GRIA1: variants seen among roughly 807,000 people sequenced by gnomAD.
The protein encoded by GRIA1 is glutamate receptor 1.
Under a neutral mutation model 99.2 loss-of-function variants are expected in GRIA1, and 31 were observed. The observed-to-expected ratio is 0.31, with a 90% CI of 0.23 to 0.42. The LOEUF (loss-of-function observed/expected upper bound fraction) is 0.42. Among genes scored for constraint, GRIA1 ranks in the 10% least tolerant of loss-of-function variants. The pLI is 1.00. For synonymous variants in GRIA1, 438 were observed against 432.4 expected, an observed-to-expected ratio of 1.01 and a Z score of -0.16; for missense variants, 782 against 1,157.5, an observed-to-expected ratio of 0.68 and a Z score of 4.71.
At chr5:153,648,839 C>G (rs1025234885) in intron 3 of GRIA1, among the ~76,000 whole-genome samples, 2 of 70,098 alleles carry the variant, frequency 2.9e-5, no homozygotes, top group Non-Finnish European at 6.9e-5. Flanking sequence ...AATAATGACA[C>G]CCCCCCCCAA....
intron 2 of GRIA1, among the ~76,000 whole-genome samples, chr5:153,502,473 G>T (rs1755094709): frequency 6.6e-6 from 1 of 152,034 alleles, no homozygotes; most frequent in African/African-American, 2.4e-5. Flanking sequence ...GTGAAAATCA[G>T]GTGTAAGTCC....
At chr5:153,633,897 A>C (rs1753154162) in intron 2 of GRIA1, among the ~76,000 whole-genome samples, 2 of 152,244 alleles carry the variant, frequency 1.3e-5, no homozygotes, top group South Asian at 4.1e-4. Flanking sequence ...AATAGTGATA[A>C]GTAAATAAAC....
rs1766524692 is a variant in GRIA1 at position 153,807,613 on chromosome 5, G to C, written c.2521-3412G>C. On this transcript the variant is annotated intron_variant, in intron 15 of 15. Coordinates refer to ENST00000285900, the MANE Select transcript of GRIA1 (RefSeq NM_000827.4). ...AAGGAGACTGGGACACAGACTGAGG[G>C]AAAAGGGTGATATGTGAGAGTGGGA... Among the ~76,000 whole-genome samples, 3 of 152,342 alleles carry C rather than the reference G, an allele frequency of 2.0e-5. No homozygotes were observed. In the South Asian group the frequency reaches 6.2e-4, roughly 32 times the overall value.
At chr5:153,574,390 A>T (rs1384784811) in intron 2 of GRIA1, 1 of 152,158 alleles carries the variant, frequency 6.6e-6, no homozygotes, top group Non-Finnish European at 1.5e-5. Context: ...CTGGAGATAT[A>T]GGTAAGGGTT....
intron 2 of GRIA1, among the ~76,000 whole-genome samples, chr5:153,538,862 A>G (rs1758821807): frequency 6.6e-6 from 1 of 152,190 alleles, no homozygotes; most frequent in Non-Finnish European, 1.5e-5. Flanking sequence ...CTGGATGGTT[A>G]TGATCCTCAA....
intron 2 of GRIA1, among the ~76,000 whole-genome samples, chr5:153,546,282 T>C (rs180913707): frequency 1.3e-5 from 2 of 152,286 alleles, no homozygotes; most frequent in East Asian, 1.9e-4. Flanking sequence ...AGGGAAGAGA[T>C]GGAGCAAAGT....
intron 2 of GRIA1, among the ~76,000 whole-genome samples, chr5:153,557,067 T>G (rs1459315814): frequency 6.6e-6 from 1 of 152,142 alleles, no homozygotes; most frequent in Non-Finnish European, 1.5e-5. Flanking sequence ...AGTTAAAATA[T>G]AATATAAAAG....
At chr5:153,592,887 AAG>A (rs1764091058) in intron 2 of GRIA1, among the ~76,000 whole-genome samples, 1 of 152,198 alleles carries the variant, frequency 6.6e-6, no homozygotes, top group Admixed American at 6.5e-5. Flanking sequence ...CTTTGCATGA[AAG>A]AGAGAGGAGA....
intron 2 of GRIA1, among the ~76,000 whole-genome samples, chr5:153,496,903 G>C (rs1754489120): frequency 6.6e-6 from 1 of 151,376 alleles, no homozygotes. Flanking sequence ...CATAATTTTT[G>C]CTGTCATTTG....
chr5:153,679,985 T>C (rs968827411), intron 7 of GRIA1, among the ~76,000 whole-genome samples: 2 of 152,200 alleles, frequency 1.3e-5, no homozygotes, highest in African/African-American at 4.8e-5. Context: ...CACCTTGAGG[T>C]AGGTAGTTTT....
intron 11 of GRIA1, among the ~76,000 whole-genome samples, chr5:153,730,141 A>T (rs750112334): frequency 1.3e-5 from 2 of 152,132 alleles, no homozygotes; most frequent in Non-Finnish European, 2.9e-5. Flanking sequence ...TAAATTACCT[A>T]GGGATCTTGT....
chr5:153,600,035 C>A (rs1019076940), intron 2 of GRIA1, among the ~76,000 whole-genome samples: 5 of 152,092 alleles, frequency 3.3e-5, no homozygotes, highest in African/African-American at 1.2e-4. Context: ...CACCTTGTTG[C>A]CAAATAGCGC....
At chr5:153,510,020 G>A (rs1488553449) in intron 2 of GRIA1, among the ~76,000 whole-genome samples, 1 of 152,084 alleles carries the variant, frequency 6.6e-6, no homozygotes, top group Non-Finnish European at 1.5e-5. Flanking sequence ...GAAAATGACA[G>A]CAACAACAAA....
chr5:153,560,676 C>A (rs1375691357), intron 2 of GRIA1, among the ~76,000 whole-genome samples: 1 of 152,184 alleles, frequency 6.6e-6, no homozygotes, highest in Non-Finnish European at 1.5e-5. Flanking sequence ...GTCTATTTAA[C>A]CTCTTTTTCT....
intron 2 of GRIA1, among the ~76,000 whole-genome samples, chr5:153,548,252 A>G (rs747422943): frequency 2.0e-5 from 3 of 152,138 alleles, no homozygotes; most frequent in Non-Finnish European, 4.4e-5. Flanking sequence ...CACCTTGCCA[A>G]CCAGTTCATA....
intron 11 of GRIA1, among the ~76,000 whole-genome samples, chr5:153,714,696 A>T (rs1759545431): frequency 6.6e-6 from 1 of 152,252 alleles, no homozygotes. Context: ...TGAATTGACG[A>T]GGAAAGTATG....
intron 3 of GRIA1, among the ~76,000 whole-genome samples, chr5:153,649,235 T>A (rs1361744956): frequency 1.3e-5 from 2 of 152,164 alleles, no homozygotes; most frequent in Non-Finnish European, 2.9e-5. Context: ...ATCTCATGCA[T>A]CTTACCTCAA....
intron 2 of GRIA1, among the ~76,000 whole-genome samples, chr5:153,579,794 T>A (rs1238124698): frequency 6.6e-6 from 1 of 151,920 alleles, no homozygotes; most frequent in East Asian, 1.9e-4. Context: ...ATAGAGGAGT[T>A]GAAACCAAGT....
chr5:153,513,152 T>A (rs1756269265), intron 2 of GRIA1, among the ~76,000 whole-genome samples: 1 of 152,154 alleles, frequency 6.6e-6, no homozygotes, highest in Non-Finnish European at 1.5e-5. Flanking sequence ...CTAACACCAC[T>A]GGTAATTAAG....
Sources: allele counts gnomAD v4.1 joint callset (sites outside exome capture counted in the v4.1 genomes callset), GRCh38; gene constraint gnomAD v4.1.1; transcripts MANE v1.5; gene names NCBI Gene and HGNC (gene_info 2026-07-23, HGNC 2026-07-21).